NCAM1: variants seen among roughly 807,000 people sequenced by gnomAD.
The protein encoded by NCAM1 is antigen recognized by monoclonal antibody 5.1H11.
NCAM1 carries 14 observed loss-of-function variants against 109.8 expected under a neutral mutation model. That is an observed-to-expected ratio of 0.13 (90% CI 0.08 to 0.20). The LOEUF (loss-of-function observed/expected upper bound fraction) is 0.20. Ranked by LOEUF, NCAM1 falls within the 10% of genes least tolerant of loss-of-function variation. The pLI is 1.00. For missense variants in NCAM1, 774 were observed against 1,109.9 expected (o/e 0.70, Z 4.30); for synonymous variants, 418 against 442.9 (o/e 0.94, Z 0.70).
At position 112,964,348 on chromosome 11, in the gene NCAM1, A is replaced by G. The variant is rs561685053; in HGVS notation, c.52+2684A>G. On this transcript the variant is annotated intron_variant, in intron 1 of 19. Coordinates refer to ENST00000316851, the MANE Select transcript of NCAM1 (RefSeq NM_181351.5). ...ATACAATGAAAGGTTGTGCAATTGC[A>G]TAGTAAATTTGAGTTTATTCTAGTA... Among the ~76,000 whole-genome samples the G allele has an allele frequency of 2.6e-5, 4 of 152,222 alleles. No homozygotes were observed. In the South Asian group the frequency reaches 6.2e-4, roughly 24 times the overall value.
intron 1 of NCAM1, among the ~76,000 whole-genome samples, chr11:112,999,094 G>A (rs1020445106): frequency 2.0e-5 from 3 of 152,038 alleles, no homozygotes; most frequent in Non-Finnish European, 4.4e-5. Context: ...ACCATCATTT[G>A]GTATGAACTA....
At chr11:113,244,986 T>C (rs1945458765) in intron 14 of NCAM1, among the ~76,000 whole-genome samples, 1 of 152,196 alleles carries the variant, frequency 6.6e-6, no homozygotes, top group Admixed American at 6.5e-5. Context: ...TGGCCAAAAC[T>C]TTCCCTGGCC....
At chr11:113,073,221 AT>A (rs1372189325) in intron 1 of NCAM1, among the ~76,000 whole-genome samples, 4 of 151,798 alleles carry the variant, frequency 2.6e-5, no homozygotes, top group African/African-American at 7.3e-5. Context: ...TATAGGCCAC[AT>A]TTTTTTTCTT....
At chr11:113,040,624 A>G (rs1591273567) in intron 1 of NCAM1, among the ~76,000 whole-genome samples, 1 of 152,340 alleles carries the variant, frequency 6.6e-6, no homozygotes, top group East Asian at 1.9e-4. Flanking sequence ...TCTCTCATAG[A>G]AATCAAAATA....
chr11:113,190,917 C>A (rs914830249), intron 1 of NCAM1, among the ~76,000 whole-genome samples: 1 of 152,114 alleles, frequency 6.6e-6, no homozygotes, highest in Admixed American at 6.6e-5. Flanking sequence ...TGCTTGGAGA[C>A]AGCACAAGTT....
chr11:112,986,520 C>T (rs1210490642), intron 1 of NCAM1, among the ~76,000 whole-genome samples: 5 of 151,950 alleles, frequency 3.3e-5, no homozygotes, highest in African/African-American at 1.2e-4. Flanking sequence ...GTAGAATTCA[C>T]CATTGAAGCC....
At chr11:113,132,543 C>T (rs782195350) in intron 1 of NCAM1, among the ~76,000 whole-genome samples, 7 of 151,786 alleles carry the variant, frequency 4.6e-5, no homozygotes, top group Non-Finnish European at 1.0e-4. Flanking sequence ...AGCTCCTAGG[C>T]TCAGCCGCAC....
intron 8 of NCAM1, 54 bp from the exon 9 acceptor site, chr11:113,221,242 A>G: frequency 4.6e-6 from 7 of 1,538,014 alleles, no homozygotes; most frequent in South Asian, 2.4e-5. Flanking sequence ...CTAAAGCAAC[A>G]TGTTGTAAAA....
chr11:113,255,104 A>T (rs1555122055), intron 15 of NCAM1, among the ~76,000 whole-genome samples: 1 of 152,094 alleles, frequency 6.6e-6, no homozygotes, highest in African/African-American at 2.4e-5. Context: ...TGCTAAAGAC[A>T]TTTTTCTCTC....
intron 1 of NCAM1, among the ~76,000 whole-genome samples, chr11:113,144,816 G>A (rs191878068): frequency 3.9e-5 from 6 of 152,306 alleles, no homozygotes; most frequent in Admixed American, 1.3e-4. Flanking sequence ...ATCACAAATC[G>A]TGTATGTAAA....
intron 1 of NCAM1, among the ~76,000 whole-genome samples, chr11:113,117,805 A>G (rs1489889586): frequency 6.6e-6 from 1 of 152,040 alleles, no homozygotes; most frequent in Admixed American, 6.5e-5. Flanking sequence ...AGTCAAGTAA[A>G]CATGCATCTT....
At chr11:113,095,315 CGT>C (rs147958488) in intron 1 of NCAM1, among the ~76,000 whole-genome samples, 19 of 151,150 alleles carry the variant, frequency 1.3e-4, no homozygotes, top group African/African-American at 3.2e-4. Context: ...TAATAGAATG[CGT>C]GTGTGTGTGT....
At chr11:112,979,264 C>G (rs1404096680) in intron 1 of NCAM1, among the ~76,000 whole-genome samples, 1 of 151,270 alleles carries the variant, frequency 6.6e-6, no homozygotes, top group Non-Finnish European at 1.5e-5. Context: ...GTAATTTTTA[C>G]CATTCAAAAG....
At chr11:113,053,875 A>G (rs1555082175) in intron 1 of NCAM1, among the ~76,000 whole-genome samples, 4 of 152,156 alleles carry the variant, frequency 2.6e-5, no homozygotes, top group Non-Finnish European at 4.4e-5. Flanking sequence ...AGAGCCCCTT[A>G]TCAAAAAAGA....
chr11:113,077,719 C>A (rs1344130887), intron 1 of NCAM1, among the ~76,000 whole-genome samples: 1 of 150,226 alleles, frequency 6.7e-6, no homozygotes, highest in Non-Finnish European at 1.5e-5. Flanking sequence ...GGAGTCTTGG[C>A]TCTGTCTCCT....
intron 9 of NCAM1, chr11:113,231,189 G>GC: frequency 1.3e-6 from 2 of 1,535,938 alleles, no homozygotes; most frequent in Non-Finnish European, 1.7e-6. Context: ...GGAATGTCCT[G>GC]CCACAGGTAC....
At chr11:113,186,434 CA>C (rs1943510883) in intron 1 of NCAM1, among the ~76,000 whole-genome samples, 1 of 152,148 alleles carries the variant, frequency 6.6e-6, no homozygotes. Flanking sequence ...TCCCTGGTGC[CA>C]AAAACTTGGG....
intron 1 of NCAM1, among the ~76,000 whole-genome samples, chr11:113,041,845 C>T (rs1555080033): frequency 6.6e-6 from 1 of 152,102 alleles, no homozygotes; most frequent in East Asian, 1.9e-4. Flanking sequence ...AAACACTTTA[C>T]CCCTTTACCT....
chr11:113,249,175 T>A (rs781848329), intron 15 of NCAM1, among the ~76,000 whole-genome samples: 1 of 152,212 alleles, frequency 6.6e-6, no homozygotes, highest in Non-Finnish European at 1.5e-5. Context: ...AGCTAAGCTC[T>A]TTAACACCCA....
Sources: allele counts gnomAD v4.1 joint callset (sites outside exome capture counted in the v4.1 genomes callset), GRCh38; gene constraint gnomAD v4.1.1; transcripts MANE v1.5; gene names NCBI Gene and HGNC (gene_info 2026-07-23, HGNC 2026-07-21).